The following MMS22L variants were observed in gnomAD, a reference collection of about 807,000 sequenced individuals.
MMS22L encodes the protein MMS22 like, DNA repair protein.
Under a neutral mutation model 159.1 loss-of-function variants are expected in MMS22L, and 74 were observed. That is an observed-to-expected ratio of 0.47 (90% CI 0.39 to 0.56). MMS22L has a LOEUF of 0.56. Among genes scored for constraint, MMS22L ranks in the 20% least tolerant of loss-of-function variants. The probability of loss-of-function intolerance (pLI) is 0.00; values close to 1 mark genes in which losing one functional copy is unlikely to be tolerated. For missense variants in MMS22L, 1,351 were observed against 1,422.1 expected, an observed-to-expected ratio of 0.95 and a Z score of 0.80; for synonymous variants, 517 against 506.9, an observed-to-expected ratio of 1.02 and a Z score of -0.27.
rs182259753 is a variant in MMS22L at position 97,157,824 on chromosome 6, C to T, written c.3385+4178G>A. Among the ~76,000 whole-genome samples, 189 of 152,222 alleles carry T rather than the reference C, an allele frequency of 1.2e-3. 1 individual carries two copies. Among genetic ancestry groups the T allele is most frequent in the African/African-American group, 4.3e-3 (179 of 41,536 alleles). On this transcript the variant is annotated intron_variant, in intron 22 of 24. Transcript: ENST00000683635. ...GCCAGGTTTTAGTATCAGGATGATG[C>T]TGGCTTCATAAAATGAATTAGGGAG...
At chr6:97,270,506 C>T (rs917152001) in intron 6 of MMS22L, 3 of 284,604 alleles carry the variant, frequency 1.1e-5, no homozygotes, top group East Asian at 1.9e-4. Context: ...AGTATTCAAA[C>T]TCAATTCTAC....
intron 9 of MMS22L, among the ~76,000 whole-genome samples, chr6:97,256,265 T>C (rs1330081289): frequency 6.6e-6 from 1 of 152,134 alleles, no homozygotes; most frequent in Non-Finnish European, 1.5e-5. Context: ...AACATAGACC[T>C]TTCTCTTAGA....
At chr6:97,207,848 T>A (rs953742549) in intron 14 of MMS22L, among the ~76,000 whole-genome samples, 1 of 152,164 alleles carries the variant, frequency 6.6e-6, no homozygotes, top group African/African-American at 2.4e-5. Flanking sequence ...ATTGAAAATT[T>A]CCAACCTCTG....
At position 97,162,094 on chromosome 6, in the gene MMS22L, T is replaced by TG; in HGVS notation, c.3292dup (p.Gln1098ProfsTer7). On this transcript the variant is annotated frameshift_variant, in exon 22 of 25. Transcript: ENST00000683635. LOFTEE classifies it high-confidence loss of function. ...GTCTGTGTTAGTTTCCTTGAAGAGT[T>TG]GGAGGATGAAGGCCAGAATGGATGC... 6.2e-7 allele frequency: 1 copy of TG among 1,612,278 alleles called. No individual in the cohort carries two copies. Among genetic ancestry groups the TG allele is most frequent in the Non-Finnish European group, 8.5e-7 (1 of 1,179,038 alleles).
chr6:97,180,607 A>G (rs1804611841), intron 16 of MMS22L, among the ~76,000 whole-genome samples: 2 of 152,256 alleles, frequency 1.3e-5, no homozygotes, highest in African/African-American at 2.4e-5. Flanking sequence ...TTATTACCTT[A>G]TAACTTTCCC....
In MMS22L at chr6:97,146,817, C is replaced by A; in HGVS notation, c.3721G>T (p.Asp1241Tyr). 1.3e-6 allele frequency: 2 copies of A among 1,574,270 alleles called. 1 individual carries two copies. Among genetic ancestry groups the A allele is most frequent in the East Asian group, 4.7e-5 (2 of 42,492 alleles). ...AATCACAAAATATATTAAGTATTAT[C>A]ATTTTCCAGTCTCTGCATCTCATCT... Reference protein sequence around the residue: ...GQDEMQRLENDNT With the variant: ...GQDEMQRLENYNT Residue 1241 changes from aspartate (D) to tyrosine (Y), a missense_variant, in exon 25 of 25, where the codon GAT becomes TAT. Asp to Tyr is a radical substitution (Grantham distance 160). Coordinates refer to ENST00000683635, the MANE Select transcript of MMS22L (RefSeq NM_001350599.2).
At chr6:97,264,157 A>T (rs1814820678) in intron 8 of MMS22L, 1 of 152,092 alleles carries the variant, frequency 6.6e-6, no homozygotes, top group African/African-American at 2.4e-5. Flanking sequence ...TCCCAGTAAA[A>T]CTATATTTAC....
intron 19 of MMS22L, among the ~76,000 whole-genome samples, chr6:97,170,136 AAC>A (rs1337095424): frequency 6.6e-6 from 1 of 152,174 alleles, no homozygotes; most frequent in African/African-American, 2.4e-5. Flanking sequence ...TATAGGCAAA[AAC>A]ACAGCATACA....
At position 97,144,909 on chromosome 6, in the gene MMS22L, A is replaced by T. The variant is rs3798287; in HGVS notation, c.*1897T>A. 16 of 152,036 alleles carry T rather than the reference A, an allele frequency of 1.1e-4. No individual in the cohort carries two copies. Among genetic ancestry groups the T allele is most frequent in the African/African-American group, 3.9e-4 (16 of 41,404 alleles). The allele number at this position is 152,036 out of a possible 1,614,324, so 9.4% of individuals were successfully genotyped here. A position where few individuals can be genotyped will look rare whatever the true frequency, so the allele number is the denominator to read the frequency against. On this transcript the variant is annotated 3_prime_UTR_variant, in exon 25 of 25. Coordinates refer to ENST00000683635, the MANE Select transcript of MMS22L (RefSeq NM_001350599.2). Reference sequence around the variant, plus strand: ...TTAGTTATTCTTAGTATCTATAGATATATGTCCTAAAGCATGATTCAGTAG... The same window carrying T: ...TTAGTTATTCTTAGTATCTATAGATTTATGTCCTAAAGCATGATTCAGTAG...
At chr6:97,217,962 T>C (rs1809205521) in intron 14 of MMS22L, among the ~76,000 whole-genome samples, 1 of 152,146 alleles carries the variant, frequency 6.6e-6, no homozygotes, top group Non-Finnish European at 1.5e-5. Context: ...TCTGCACTTG[T>C]AGATTCAAAG....
intron 14 of MMS22L, among the ~76,000 whole-genome samples, chr6:97,205,989 T>C (rs1807746394): frequency 6.6e-6 from 1 of 152,206 alleles, no homozygotes; most frequent in Non-Finnish European, 1.5e-5. Context: ...TTGTGAGGCA[T>C]GCATTAATCA....
At chr6:97,226,294 T>C (rs978532895) in intron 14 of MMS22L, among the ~76,000 whole-genome samples, 1 of 152,182 alleles carries the variant, frequency 6.6e-6, no homozygotes, top group Non-Finnish European at 1.5e-5. Flanking sequence ...AGATCATCTA[T>C]TTTGTGTTTT....
chr6:97,230,980 T>C (rs528450899), intron 13 of MMS22L: 1 of 160,584 alleles, frequency 6.2e-6, no homozygotes, highest in East Asian at 1.8e-4. Flanking sequence ...GCAAAGGAAG[T>C]AGAAAAAAGA....
chr6:97,267,700 T>G, intron 8 of MMS22L, 172 bp downstream of exon 8: 1 of 465,244 alleles, frequency 2.1e-6, no homozygotes, highest in Non-Finnish European at 3.4e-6. Context: ...CCAGCCTCTT[T>G]TAGATGTTTA....
At chr6:97,276,839 C>T (rs1300709733) in intron 4 of MMS22L, among the ~76,000 whole-genome samples, 1 of 152,140 alleles carries the variant, frequency 6.6e-6, no homozygotes, top group East Asian at 1.9e-4. Context: ...ATTCCTTTAT[C>T]ACCGTACCTT....
rs888063394 is a variant in MMS22L, at chr6:97,219,819, TG to T, written c.2039+9074del. Among the ~76,000 whole-genome samples the T allele has an allele frequency of 1.2e-4, 18 of 152,336 alleles. No homozygotes were observed. In the East Asian group the frequency reaches 2.3e-3, roughly 20 times the overall value. On this transcript the variant is annotated intron_variant, in intron 14 of 24. Coordinates refer to ENST00000683635, the MANE Select transcript of MMS22L (RefSeq NM_001350599.2). ...TTGCTGTGTGCATAAGTCTCCTGCCTGGAATACTGGCTCCTCCCATATATGA... is the reference window on the plus strand; with the variant it reads ...TTGCTGTGTGCATAAGTCTCCTGCCTGAATACTGGCTCCTCCCATATATGA...
intron 12 of MMS22L, among the ~76,000 whole-genome samples, chr6:97,232,410 A>T (rs1219991157): frequency 1.3e-5 from 2 of 152,168 alleles, no homozygotes; most frequent in Admixed American, 1.3e-4. Flanking sequence ...ACTCTAAAAT[A>T]TAGTTTGTAT....
At chr6:97,220,317 T>C (rs1167790483) in intron 14 of MMS22L, among the ~76,000 whole-genome samples, 1 of 152,198 alleles carries the variant, frequency 6.6e-6, no homozygotes, top group Non-Finnish European at 1.5e-5. Flanking sequence ...AAGACCATGA[T>C]AAGAAATGTG....
intron 3 of MMS22L, among the ~76,000 whole-genome samples, chr6:97,280,553 G>A (rs562713652): frequency 3.3e-5 from 5 of 152,088 alleles, no homozygotes; most frequent in South Asian, 4.2e-4. Flanking sequence ...GGCTGGTCTC[G>A]AACTCCCGCC....
Sources: allele counts gnomAD v4.1 joint callset (sites outside exome capture counted in the v4.1 genomes callset), GRCh38; gene constraint gnomAD v4.1.1; transcripts MANE v1.5; gene names NCBI Gene and HGNC (gene_info 2026-07-23, HGNC 2026-07-21).